PXDNL: variants seen among roughly 807,000 people sequenced by gnomAD.
The protein encoded by PXDNL is peroxidasin like.
PXDNL carries 145 observed loss-of-function variants against 150.8 expected under a neutral mutation model. The ratio of observed to expected loss-of-function variants is 0.96; its 90% CI spans 0.84 to 1.10. The LOEUF is 1.10. Among genes scored for constraint, PXDNL ranks in the 50% least tolerant of loss-of-function variants. The probability of loss-of-function intolerance (pLI) is 0.00; values close to 1 mark genes in which losing one functional copy is unlikely to be tolerated. For synonymous variants in PXDNL, 757 were observed against 725.7 expected (o/e 1.04, Z -0.69); for missense variants, 2,087 against 1,873.9 (o/e 1.11, Z -2.10).
At chr8:51,396,088 A>G (rs949945333) in intron 17 of PXDNL, among the ~76,000 whole-genome samples, 2 of 152,254 alleles carry the variant, frequency 1.3e-5, no homozygotes, top group African/African-American at 4.8e-5. Context: ...GGTTCTATAG[A>G]TCGGCAATAA....
At chr8:51,659,452 G>C (rs2130809335) in intron 1 of PXDNL, among the ~76,000 whole-genome samples, 1 of 152,308 alleles carries the variant, frequency 6.6e-6, no homozygotes, top group East Asian at 1.9e-4. Context: ...TGAGTTTCTA[G>C]CTCAAACTCA....
At chr8:51,339,487 A>G in intron 21 of PXDNL, 137 bp downstream of exon 21, 10 of 850,778 alleles carry the variant, frequency 1.2e-5, no homozygotes, top group Non-Finnish European at 1.7e-5. Context: ...AACAAAAAAA[A>G]AGCAATACAA....
intron 21 of PXDNL, among the ~76,000 whole-genome samples, chr8:51,327,873 T>G (rs1022224763): frequency 6.6e-6 from 1 of 152,066 alleles, no homozygotes; most frequent in African/African-American, 2.4e-5. Context: ...AGGTGAAATC[T>G]GAAGAGACAG....
At chr8:51,404,699 C>T (rs1808386047) in intron 17 of PXDNL, among the ~76,000 whole-genome samples, 1 of 152,222 alleles carries the variant, frequency 6.6e-6, no homozygotes, top group South Asian at 2.1e-4. Flanking sequence ...ATCTACAATC[C>T]CTTAGCTAGA....
chr8:51,783,217 C>G (rs1457998471), intron 1 of PXDNL, among the ~76,000 whole-genome samples: 2 of 152,208 alleles, frequency 1.3e-5, no homozygotes, highest in Non-Finnish European at 2.9e-5. Flanking sequence ...TTGAAACCAG[C>G]TGGCATCACG....
At chr8:51,406,562 G>A (rs754256768) in intron 17 of PXDNL, among the ~76,000 whole-genome samples, 7 of 152,092 alleles carry the variant, frequency 4.6e-5, no homozygotes, top group Non-Finnish European at 1.0e-4. Flanking sequence ...CTCTCCTCCT[G>A]ACACTCAACC....
chr8:51,603,431 T>C (rs1394310508), intron 2 of PXDNL, among the ~76,000 whole-genome samples: 2 of 152,082 alleles, frequency 1.3e-5, no homozygotes, highest in Non-Finnish European at 2.9e-5. Flanking sequence ...TTGTGTGTGC[T>C]ATGTAGTTCT....
At chr8:51,332,803 A>G (rs1015537292) in intron 21 of PXDNL, among the ~76,000 whole-genome samples, 1 of 152,200 alleles carries the variant, frequency 6.6e-6, no homozygotes, top group African/African-American at 2.4e-5. Context: ...AAAGAATAAG[A>G]AAATATGAAC....
At chr8:51,657,591 C>CT (rs1290797296) in intron 1 of PXDNL, among the ~76,000 whole-genome samples, 7 of 152,154 alleles carry the variant, frequency 4.6e-5, no homozygotes, top group Admixed American at 4.6e-4. Context: ...AATATGCATG[C>CT]ATGTCTCCTT....
intron 2 of PXDNL, among the ~76,000 whole-genome samples, chr8:51,638,671 C>G (rs948407723): frequency 2.0e-5 from 3 of 152,104 alleles, no homozygotes; most frequent in Non-Finnish European, 2.9e-5. Context: ...TATATATGCA[C>G]CCAATACAGG....
chr8:51,429,265 A>G (rs1809190681), intron 12 of PXDNL, among the ~76,000 whole-genome samples: 1 of 152,206 alleles, frequency 6.6e-6, no homozygotes, highest in East Asian at 1.9e-4. Context: ...TCTGGAAAAG[A>G]GTTTGGAAAC....
intron 4 of PXDNL, among the ~76,000 whole-genome samples, chr8:51,512,903 G>C (rs1811452341): frequency 6.9e-6 from 1 of 145,328 alleles, no homozygotes; most frequent in African/African-American, 2.6e-5. Context: ...CAATTTGCTG[G>C]CTCTTGAATA....
chr8:51,646,982 A>ACTT (rs2130789776), intron 2 of PXDNL, among the ~76,000 whole-genome samples: 1 of 152,252 alleles, frequency 6.6e-6, no homozygotes, highest in East Asian at 1.9e-4. Flanking sequence ...TACTACTGGT[A>ACTT]CTTCAGCACA....
chr8:51,475,075 GC>G lies in PXDNL; in HGVS notation c.590del (p.Gly197AlafsTer28). 1.2e-6 allele frequency: 2 copies of G among 1,613,918 alleles called. No homozygotes were observed. The highest frequency in any genetic ancestry group is 1.7e-6 in the Non-Finnish European group (2 of 1,179,872). On this transcript the variant is annotated frameshift_variant, in exon 7 of 23. Coordinates refer to ENST00000356297, the MANE Select transcript of PXDNL (RefSeq NM_144651.5). LOFTEE classifies it high-confidence loss of function. The part of the protein sequence containing the change: ...DLMWLGELLQ[G>X]FAQHGHTQAA... The stretch of plus-strand genomic sequence containing the variant: ...CCTGGGTGTGGCCGTGTTGGGCAAA[GC>G]CTTGTAAAAGCTCCCCCAGCCACAT...
chr8:51,689,511 G>A (rs1045682354), intron 1 of PXDNL, among the ~76,000 whole-genome samples: 2 of 151,950 alleles, frequency 1.3e-5, no homozygotes, highest in Non-Finnish European at 2.9e-5. Context: ...TTCCACATGT[G>A]TACCAGTTAG....
At chr8:51,488,488 C>G (rs1210298260) in intron 5 of PXDNL, among the ~76,000 whole-genome samples, 2 of 152,124 alleles carry the variant, frequency 1.3e-5, no homozygotes, top group African/African-American at 4.8e-5. Context: ...TATTGACATA[C>G]TGATAGATGA....
chr8:51,571,644 T>A (rs900480193), intron 3 of PXDNL, among the ~76,000 whole-genome samples: 4 of 152,004 alleles, frequency 2.6e-5, no homozygotes, highest in African/African-American at 9.6e-5. Context: ...CAAATGATAA[T>A]TTAAACTTTG....
intron 1 of PXDNL, among the ~76,000 whole-genome samples, chr8:51,783,177 TA>T (rs2037431438): frequency 2.0e-5 from 3 of 152,248 alleles, no homozygotes; most frequent in Admixed American, 2.0e-4. Flanking sequence ...TGCTACAGGA[TA>T]AATTGCTAAG....
Position 51,695,482 on chromosome 8 carries a change from GCACA to G in PXDNL, c.165-40726_165-40723del, listed in dbSNP as rs374216451. On this transcript the variant is annotated intron_variant, in intron 1 of 22. Transcript: ENST00000356297. ...AATTCCAGTGCTACAACACACACAC[GCACA>G]CACGCACGCACGCATACTTCTTGTG... 9.6e-4 allele frequency among the ~76,000 whole-genome samples: 144 copies of G among 149,592 alleles called. 1 individual carries two copies. The highest frequency in any genetic ancestry group is 3.4e-3 in the Middle Eastern group (1 of 290).
Sources: gnomAD v4.1 joint callset for allele counts (sites outside exome capture counted in the v4.1 genomes callset) on GRCh38, gnomAD v4.1.1 for gene constraint, MANE v1.5 for transcripts, NCBI Gene and HGNC (gene_info 2026-07-23, HGNC 2026-07-21) for gene names.